Variants in ZNF43 observed in about 807,000 individuals in gnomAD.
ZNF43 encodes the protein zinc finger protein 39-like 1 (KOX 27).
A neutral mutation model predicts 68.4 loss-of-function variants in ZNF43; 44 were observed. The ratio of observed to expected loss-of-function variants is 0.64; its 90% CI spans 0.51 to 0.83. The LOEUF (loss-of-function observed/expected upper bound fraction) is 0.83, where lower values mean the gene tolerates loss of function less well. Among genes scored for constraint, ZNF43 ranks in the 40% least tolerant of loss-of-function variants. The pLI is 0.00. For missense variants in ZNF43, 896 were observed against 933.2 expected, an observed-to-expected ratio of 0.96 and a Z score of 0.52; for synonymous variants, 308 against 307.8, an observed-to-expected ratio of 1.00 and a Z score of -0.01.
At chr19:21,828,900 G>A (rs1437503847) in intron 1 of ZNF43, among the ~76,000 whole-genome samples, 1 of 151,520 alleles carries the variant, frequency 6.6e-6, no homozygotes, top group East Asian at 1.9e-4. Flanking sequence ...GGGTGCCCTG[G>A]CGGGCGCCTA....
chr19:21,809,235 T>TA lies in ZNF43; in HGVS notation c.801dup (p.Asn268Ter), dbSNP rs750619467. 5.6e-6 allele frequency: 9 copies of TA among 1,613,720 alleles called. No homozygotes were observed. The South Asian group carries it at 9.9e-5, about 18-fold the overall frequency. On this transcript the variant is annotated frameshift_variant, in exon 4 of 4. Transcript: ENST00000354959. LOFTEE classifies it high-confidence loss of function. ...TGGGTAGTAAGGATTGAGGACTTGT[T>TA]AAAAGCTTTGCCACATTCTTCACAT...
chr19:21,811,008 G>A (rs1012163399), intron 3 of ZNF43, among the ~76,000 whole-genome samples: 1 of 151,962 alleles, frequency 6.6e-6, no homozygotes, highest in Admixed American at 6.6e-5. Flanking sequence ...TGTGTTTTTC[G>A]ACCAAAATTG....
intron 1 of ZNF43, chr19:21,849,778 A>C (rs1327425739): frequency 6.6e-6 from 1 of 152,180 alleles, no homozygotes; most frequent in Non-Finnish European, 1.5e-5. Flanking sequence ...ACATTTGTAC[A>C]AGAAAGAGAC....
intron 1 of ZNF43, among the ~76,000 whole-genome samples, chr19:21,831,122 A>C (rs2038404940): frequency 6.6e-6 from 1 of 152,212 alleles, no homozygotes; most frequent in Admixed American, 6.6e-5. Flanking sequence ...GTTATCTGTC[A>C]CAAACTCAAA....
At chr19:21,837,263 T>C (rs1967171499), upstream of ZNF43, among the ~76,000 whole-genome samples, 1 of 152,058 alleles carries the variant, frequency 6.6e-6, no homozygotes, top group Non-Finnish European at 1.5e-5. Context: ...TAATCTCAAA[T>C]TTCAAAATAG....
intron 3 of ZNF43, among the ~76,000 whole-genome samples, chr19:21,811,010 C>A (rs1192369731): frequency 6.6e-6 from 1 of 152,004 alleles, no homozygotes; most frequent in Non-Finnish European, 1.5e-5. Flanking sequence ...TGTTTTTCGA[C>A]CAAAATTGCA....
In ZNF43 at chr19:21,829,032, C is replaced by CAAAAAAAAAAAAA. The variant is rs551226809; in HGVS notation, c.3+6991_3+7003dup. Reference sequence around the variant, plus strand: ...TGGGCGAAAGAGAGAGACTCTGTCTCAAAAAAAAAAAAAAAAAAAAAAAAA... The same window carrying CAAAAAAAAAAAAA: ...TGGGCGAAAGAGAGAGACTCTGTCTCAAAAAAAAAAAAAAAAAAAAAAAAAAAAAAAAAAAAAA... On this transcript the variant is annotated intron_variant, in intron 1 of 3. Coordinates refer to ENST00000354959, the MANE Select transcript of ZNF43 (RefSeq NM_003423.4). Among the ~76,000 whole-genome samples, 38 of 38,812 alleles carry CAAAAAAAAAAAAA rather than the reference C, an allele frequency of 9.8e-4. 1 individual carries two copies. Among genetic ancestry groups the CAAAAAAAAAAAAA allele is most frequent in the African/African-American group, 1.3e-3 (15 of 11,336 alleles). 25.5% of individuals were successfully genotyped at this position (38,812 alleles called of 152,430 possible).
At chr19:21,818,165 C>T (rs576275993) in intron 2 of ZNF43, among the ~76,000 whole-genome samples, 179 bp from the exon 3 acceptor site, 37 of 151,478 alleles carry the variant, frequency 2.4e-4, no homozygotes, top group African/African-American at 8.0e-4. Flanking sequence ...TACAGTGGTG[C>T]GATCTTGGCC....
In ZNF43 at chr19:21,808,449, T is replaced by C. The variant is rs752718593; in HGVS notation, c.1588A>G (p.Ile530Val). Residue 530 changes from isoleucine to valine, a missense_variant, in exon 4 of 4, where the codon ATA (isoleucine) becomes GTA (valine). Transcript: ENST00000354959. ...KWSSKLTEHK[I>V]THTGEKPYKC... is the part of the protein sequence containing the mutation. ...TAGGGTTTCTCTCCAGTATGAGTTA[T>C]CTTATGTTCAGTAAGCTTTGAGGAC... 6.2e-7 allele frequency: 1 copy of C among 1,611,428 alleles called. No homozygotes were observed. Among genetic ancestry groups the C allele is most frequent in the Non-Finnish European group, 8.5e-7 (1 of 1,179,278 alleles).
intron 3 of ZNF43, 152 bp downstream of exon 3, chr19:21,817,736 C>T: frequency 1.4e-6 from 1 of 734,134 alleles, no homozygotes. Flanking sequence ...AGAAGATACC[C>T]TTGTGTGAAA....
chr19:21,805,928 T>C lies in ZNF43; in HGVS notation c.*1679A>G, dbSNP rs2036918224. ...TAATAATGCTTCATTGAATGTACAA[T>C]GGTCTTAACACATTTTTTTAAAAGT... is the stretch of plus-strand genomic sequence containing the variant. On this transcript the variant is annotated 3_prime_UTR_variant, in exon 4 of 4. Transcript: ENST00000354959. 6.6e-6 allele frequency: 1 copy of C among 151,142 alleles called. No individual in the cohort carries two copies. Among genetic ancestry groups the C allele is most frequent in the South Asian group, 2.1e-4 (1 of 4,834 alleles). 9.4% of individuals were successfully genotyped at this position (151,142 alleles called of 1,614,324 possible).
intron 1 of ZNF43, among the ~76,000 whole-genome samples, chr19:21,831,026 G>GA (rs376849944): frequency 6.6e-6 from 1 of 152,290 alleles, no homozygotes; most frequent in East Asian, 1.9e-4. Context: ...AATAGATGCA[G>GA]AAAAATCTTT....
rs771586126 is a variant in ZNF43 at position 21,808,743 on chromosome 19, C to A, written c.1294G>T (p.Gly432Cys). 2 of 1,611,888 alleles carry A rather than the reference C, an allele frequency of 1.2e-6. No homozygotes were observed. The highest frequency in any genetic ancestry group is 1.7e-6 in the Non-Finnish European group (2 of 1,179,740). ...GTTGAGGGCCAGTTAAAGGCTTTGC[C>A]ACATTCTTCACATTTGTAGGGTTTC... ...GEKPYKCEEC[G>C]KAFNWPSTLT... Residue 432 changes from glycine (G) to cysteine (C), a missense_variant, in exon 4 of 4, where the codon GGC becomes TGC. Transcript: ENST00000354959.
intron 1 of ZNF43, among the ~76,000 whole-genome samples, chr19:21,820,265 ACACAC>A (rs1262651549): frequency 3.4e-5 from 5 of 147,666 alleles, no homozygotes; most frequent in South Asian, 2.1e-4. Flanking sequence ...TTATATATAT[ACACAC>A]ACATATACAT....
intron 1 of ZNF43, among the ~76,000 whole-genome samples, chr19:21,835,674 G>A (rs530897085): frequency 6.6e-6 from 1 of 152,030 alleles, no homozygotes; most frequent in Non-Finnish European, 1.5e-5. Flanking sequence ...GTTTCTAATA[G>A]ACCAAAAGAG....
chr19:21,838,361 A>G (rs1172611822), upstream of ZNF43, among the ~76,000 whole-genome samples: 2 of 151,970 alleles, frequency 1.3e-5, no homozygotes, highest in Non-Finnish European at 1.5e-5. Flanking sequence ...AAACACAAAT[A>G]TAATTATTGC....
At chr19:21,841,386 G>A (rs1209077555) in intron 1 of ZNF43, 1 of 152,210 alleles carries the variant, frequency 6.6e-6, no homozygotes, top group African/African-American at 2.4e-5. Context: ...GCCTGTCCAG[G>A]GTTATGTTAC....
intron 1 of ZNF43, among the ~76,000 whole-genome samples, chr19:21,824,588 C>T (rs184379619): frequency 6.6e-6 from 1 of 151,946 alleles, no homozygotes; most frequent in Admixed American, 6.6e-5. Flanking sequence ...CTTGTGAATC[C>T]CAGGCAGAGG....
chr19:21,833,306 C>T (rs772911890), intron 1 of ZNF43, among the ~76,000 whole-genome samples: 16 of 152,012 alleles, frequency 1.1e-4, no homozygotes, highest in East Asian at 1.9e-4. Context: ...TCCCTCTTGT[C>T]GCCCAGGCTG....
Sources: allele counts gnomAD v4.1 joint callset (sites outside exome capture counted in the v4.1 genomes callset), GRCh38; gene constraint gnomAD v4.1.1; transcripts MANE v1.5; gene names NCBI Gene and HGNC (gene_info 2026-07-23, HGNC 2026-07-21).